MIOS: variants seen among roughly 807,000 people sequenced by gnomAD.
MIOS encodes the protein GATOR2 complex protein MIOS.
Under a neutral mutation model 96.9 loss-of-function variants are expected in MIOS, and 52 were observed. The ratio of observed to expected loss-of-function variants is 0.54; its 90% CI spans 0.43 to 0.68. MIOS has a LOEUF of 0.68. MIOS is among the 30% of genes least tolerant of loss of function. MIOS has a pLI of 0.00. For synonymous variants in MIOS, 397 were observed against 359.5 expected (o/e 1.10, Z -1.18); for missense variants, 1,005 against 1,052.8 (o/e 0.95, Z 0.63).
chr7:7,589,788 G>C (rs1486687186), intron 9 of MIOS, among the ~76,000 whole-genome samples: 1 of 152,064 alleles, frequency 6.6e-6, no homozygotes, highest in Non-Finnish European at 1.5e-5. Flanking sequence ...GGCCAGTCTT[G>C]ACTGCATCTG....
intron 11 of MIOS, among the ~76,000 whole-genome samples, chr7:7,597,407 C>G (rs1454583999): frequency 1.2e-4 from 16 of 136,820 alleles, no homozygotes; most frequent in African/African-American, 4.3e-4. Context: ...GCCTAGAAGT[C>G]AGGTCCCTTG....
intron 5 of MIOS, among the ~76,000 whole-genome samples, chr7:7,578,141 T>TG (rs1783596298): frequency 6.6e-6 from 1 of 152,112 alleles, no homozygotes; most frequent in Non-Finnish European, 1.5e-5. Flanking sequence ...GCTAAAGTCT[T>TG]GGAGGTGTAG....
At chr7:7,605,682 G>C in intron 11 of MIOS, 1 of 306,266 alleles carries the variant, frequency 3.3e-6, no homozygotes, top group South Asian at 5.3e-5. Context: ...TACTGATTTG[G>C]TCTCTCCAAA....
intron 7 of MIOS, 40 bp from the exon 8 acceptor site, chr7:7,588,458 G>T: frequency 7.4e-7 from 1 of 1,352,150 alleles, no homozygotes; most frequent in South Asian, 1.7e-5. Flanking sequence ...TAAAACCAGT[G>T]CGCCTAGAAG....
At chr7:7,602,597 A>C (rs144581153) in intron 11 of MIOS, among the ~76,000 whole-genome samples, 21,108 of 152,174 alleles carry the variant, frequency 0.14, 1,650 homozygotes, top group East Asian at 0.29. Flanking sequence ...ATGGAAGAAC[A>C]TTCCATGCTC....
At chr7:7,575,395 ATTGTTT>A (rs2115363074) in intron 5 of MIOS, among the ~76,000 whole-genome samples, 1 of 152,198 alleles carries the variant, frequency 6.6e-6, no homozygotes, top group East Asian at 1.9e-4. Flanking sequence ...GTTTGATTTT[ATTGTTT>A]TTGTATTAGC....
chr7:7,597,512 AT>A (rs1563041116), intron 11 of MIOS, among the ~76,000 whole-genome samples: 2,946 of 52,808 alleles, frequency 0.056, 722 homozygotes, highest in Admixed American at 0.074. Context: ...ATATATATAT[AT>A]ATATGAAGGC....
chr7:7,587,324 T>A (rs901421424), intron 7 of MIOS, among the ~76,000 whole-genome samples: 3 of 152,108 alleles, frequency 2.0e-5, no homozygotes, highest in African/African-American at 7.2e-5. Context: ...CCTGCCCCAG[T>A]ATCCTTGTTT....
Position 7,573,552 on chromosome 7 carries a change from C to A in MIOS, c.1077C>A (p.Ala359=). Residue 359 remains alanine, a synonymous_variant, in exon 4 of 13, where the codon GCC becomes GCA. Coordinates refer to ENST00000340080, the MANE Select transcript of MIOS (RefSeq NM_019005.4). The surrounding 1 kb of genome is among the most constrained non-coding windows in gnomAD (Gnocchi z 5.0). ...CTGTTTTTGAAAGGATATCTCTTGC[C>A]TGGAGCCCAATTACATCTTTAATGT... ...DFTVFERISL[A]WSPITSLMWA... The A allele has an allele frequency of 6.2e-7, 1 of 1,614,076 alleles. No homozygotes were observed. Among genetic ancestry groups the A allele is most frequent in the Non-Finnish European group, 8.5e-7 (1 of 1,179,932 alleles).
At position 7,585,643 on chromosome 7, in the gene MIOS, G is replaced by A. The variant is rs1320282471; in HGVS notation, c.1656G>A (p.Leu552=). ...GCTGTTTTTAATATGCAGGAGATCT[G>A]AATCTCAATGTGGTAGCAATGGCTT... is the stretch of plus-strand genomic sequence containing the variant. ...NEGASSEKGD[L]NLNVVAMALS... Residue 552 remains leucine (L), a synonymous_variant, in exon 7 of 13, where the codon CTG becomes CTA. Transcript: ENST00000340080. 2 of 1,582,920 alleles carry A rather than the reference G, an allele frequency of 1.3e-6. No homozygotes were observed. Among genetic ancestry groups the A allele is most frequent in the Non-Finnish European group, 1.7e-6 (2 of 1,166,002 alleles).
rs750256763 is a variant in MIOS, at chr7:7,572,471, T to G, written c.-5T>G. 6.2e-7 allele frequency: 1 copy of G among 1,606,874 alleles called. No homozygotes were observed. Reference sequence around the variant, plus strand: ...TGAGTGGACCCTTTGATCACATCAGTAAACATGAGCGGTACCAAACCTGAT... The same window carrying G: ...TGAGTGGACCCTTTGATCACATCAGGAAACATGAGCGGTACCAAACCTGAT... On this transcript the variant is annotated 5_prime_UTR_variant, in exon 4 of 13. Coordinates refer to ENST00000340080, the MANE Select transcript of MIOS (RefSeq NM_019005.4). This position sits in a 1 kb window ranked among gnomAD's most constrained non-coding sequence, Gnocchi z 4.8.
rs371609214 is a variant in MIOS, at chr7:7,595,072, A to T, written c.2136A>T (p.Lys712Asn). 16 of 1,614,114 alleles carry T rather than the reference A, an allele frequency of 9.9e-6. No homozygotes were observed. The highest frequency in any genetic ancestry group is 1.4e-5 in the Non-Finnish European group (16 of 1,179,994). Residue 712 changes from lysine to asparagine, a missense_variant, in exon 10 of 13, where the codon AAA becomes AAT. Lys to Asn is a moderately conservative substitution (Grantham distance 94). Coordinates refer to ENST00000340080, the MANE Select transcript of MIOS (RefSeq NM_019005.4). ...NLLDAWRFWH[K>N]RAEFDIHRSK... ...TAGATGCCTGGAGGTTTTGGCATAA[A>T]CGAGCTGAATTTGATATTCACAGGA... is the stretch of plus-strand genomic sequence containing the variant.
At chr7:7,595,285 G>T (rs768771651) in intron 10 of MIOS, among the ~76,000 whole-genome samples, 153 bp downstream of exon 10, 5 of 152,030 alleles carry the variant, frequency 3.3e-5, no homozygotes, top group Middle Eastern at 6.3e-3. Context: ...CCTGTCCTTT[G>T]GTTCTGCTTC....
chr7:7,595,237 TC>T, intron 10 of MIOS, 105 bp downstream of exon 10: 1 of 1,245,622 alleles, frequency 8.0e-7, no homozygotes, highest in Non-Finnish European at 1.1e-6. Flanking sequence ...CCCATTGATG[TC>T]TTTGTCTTTT....
chr7:7,573,948 TGTGTAGGAGGAAGAAAA>T lies in MIOS; in HGVS notation c.1295-144_1295-128del. 1.2e-6 allele frequency: 1 copy of T among 869,378 alleles called. No homozygotes were observed. 53.9% of individuals were successfully genotyped at this position (869,378 alleles called of 1,614,324 possible). ...GAACTTGAAATACTGCTTTGTAGAT[TGTGTAGGAGGAAGAAAA>T]GTGTATCTCTGCAATAGAGTCGAAC... On this transcript the variant is annotated intron_variant, in intron 4 of 12. Transcript: ENST00000340080. The surrounding 1 kb of genome is among the most constrained non-coding windows in gnomAD (Gnocchi z 5.0).
At chr7:7,602,382 G>A (rs1309195725) in intron 11 of MIOS, among the ~76,000 whole-genome samples, 2 of 152,120 alleles carry the variant, frequency 1.3e-5, no homozygotes, top group Non-Finnish European at 2.9e-5. Flanking sequence ...AAAGTCTCAG[G>A]ATACAAAATC....
intron 11 of MIOS, among the ~76,000 whole-genome samples, chr7:7,598,052 T>G (rs1227357629): frequency 6.6e-6 from 1 of 152,238 alleles, no homozygotes; most frequent in Non-Finnish European, 1.5e-5. Flanking sequence ...TAGTAGATAA[T>G]TAAATATCTT....
chr7:7,581,163 A>T (rs959814984), intron 5 of MIOS, among the ~76,000 whole-genome samples: 3 of 151,404 alleles, frequency 2.0e-5, no homozygotes, highest in African/African-American at 7.3e-5. Context: ...CTCTACTAAA[A>T]ATACAAAAAT....
chr7:7,583,332 A>C lies in MIOS; in HGVS notation c.1608A>C (p.Arg536=), dbSNP rs1357266395. Residue 536 remains arginine (R), a synonymous_variant, in exon 6 of 13, where the codon CGA becomes CGC. Transcript: ENST00000340080. ...CATTGTTCAACTTGGATATTCGCCG[A>C]GCAATCCAAATCCTGAATGAAGGGG... ...AVALFNLDIR[R]AIQILNEGAS... The C allele has an allele frequency of 6.2e-7, 1 of 1,613,704 alleles. No individual in the cohort carries two copies. Among genetic ancestry groups the C allele is most frequent in the Non-Finnish European group, 8.5e-7 (1 of 1,179,712 alleles).
Sources: gnomAD v4.1 joint callset for allele counts (sites outside exome capture counted in the v4.1 genomes callset) on GRCh38, gnomAD v4.1.1 for gene constraint, Gnocchi (gnomAD v3.1) non-coding constraint, MANE v1.5 for transcripts, NCBI Gene and HGNC (gene_info 2026-07-23, HGNC 2026-07-21) for gene names.